Variants in PACRG observed in about 807,000 individuals in gnomAD.
The protein encoded by PACRG is parkin coregulated gene protein.
Under a neutral mutation model 29.7 loss-of-function variants are expected in PACRG, and 29 were observed. That is an observed-to-expected ratio of 0.98 (90% CI 0.73 to 1.33). The LOEUF is 1.33. Among genes scored for constraint, PACRG ranks in the 40% most tolerant of loss-of-function variants. The probability of loss-of-function intolerance (pLI) is 0.00; values close to 1 mark genes in which losing one functional copy is unlikely to be tolerated. For synonymous variants in PACRG, 116 were observed against 118.7 expected, an observed-to-expected ratio of 0.98 and a Z score of 0.15; for missense variants, 279 against 316.2, an observed-to-expected ratio of 0.88 and a Z score of 0.89.
intron 2 of PACRG, among the ~76,000 whole-genome samples, chr6:162,855,790 T>C (rs768433881): frequency 1.3e-4 from 20 of 152,202 alleles, no homozygotes; most frequent in Non-Finnish European, 4.4e-5. Flanking sequence ...GATGCCTCCA[T>C]AGGGCGTAGC....
At chr6:162,797,831 A>G (rs1385487836) in intron 1 of PACRG, among the ~76,000 whole-genome samples, 2 of 151,794 alleles carry the variant, frequency 1.3e-5, no homozygotes, top group South Asian at 2.1e-4. Context: ...TCATTTTTAT[A>G]TATTGAGTTT....
intron 2 of PACRG, among the ~76,000 whole-genome samples, chr6:162,953,963 A>G (rs1396323983): frequency 6.6e-6 from 1 of 152,220 alleles, no homozygotes; most frequent in Non-Finnish European, 1.5e-5. Flanking sequence ...GTAGAATACC[A>G]ATTTTTTATT....
chr6:163,164,674 C>T (rs1003358645), intron 4 of PACRG, among the ~76,000 whole-genome samples: 2 of 152,244 alleles, frequency 1.3e-5, no homozygotes, highest in Non-Finnish European at 2.9e-5. Context: ...TTCCACCTCT[C>T]AGCCACTGGC....
chr6:162,859,713 CAAAT>C (rs1175216837), intron 2 of PACRG, among the ~76,000 whole-genome samples: 3 of 152,188 alleles, frequency 2.0e-5, no homozygotes, highest in Admixed American at 6.5e-5. Context: ...AGAAGCTAAA[CAAAT>C]AAGCCTTGCA....
chr6:162,806,385 C>T (rs1019169213), intron 1 of PACRG, among the ~76,000 whole-genome samples: 4 of 149,956 alleles, frequency 2.7e-5, no homozygotes, highest in African/African-American at 7.4e-5. Context: ...GCTGGGATTA[C>T]AGGTGTGAGC....
chr6:162,900,271 G>A (rs1305258615), intron 2 of PACRG, among the ~76,000 whole-genome samples: 1 of 152,112 alleles, frequency 6.6e-6, no homozygotes, highest in African/African-American at 2.4e-5. Context: ...TACAGAGGCC[G>A]ACGTTCCCTC....
chr6:162,754,771 C>T lies in PACRG; in HGVS notation c.156+26380C>T, dbSNP rs190514085. ...TTGGTACCTATTTCAGAAATCAGTT[C>T]GCCATAAATGCATGGGTTTTCATGT... On this transcript the variant is annotated intron_variant, in intron 1 of 4. Transcript: ENST00000366888. Among the ~76,000 whole-genome samples, 595 of 152,194 alleles carry T rather than the reference C, an allele frequency of 3.9e-3. 5 individuals are homozygous for T. Among genetic ancestry groups the T allele is most frequent in the Non-Finnish European group, 6.6e-3 (449 of 68,012 alleles).
intron 2 of PACRG, among the ~76,000 whole-genome samples, chr6:163,007,275 C>CT (rs1469097045): frequency 1.3e-5 from 2 of 152,012 alleles, no homozygotes; most frequent in African/African-American, 2.4e-5. Flanking sequence ...TACATTATTA[C>CT]TTTTACTTTT....
At chr6:162,804,401 CAA>C (rs1786140822) in intron 1 of PACRG, among the ~76,000 whole-genome samples, 1 of 152,120 alleles carries the variant, frequency 6.6e-6, no homozygotes, top group Non-Finnish European at 1.5e-5. Context: ...CCTGTAGAGA[CAA>C]AGAGATTGGG....
chr6:163,149,778 C>T (rs1442395994), intron 4 of PACRG, among the ~76,000 whole-genome samples: 1 of 152,182 alleles, frequency 6.6e-6, no homozygotes, highest in Admixed American at 6.5e-5. Context: ...CGGATCGGAT[C>T]CCCGGTGCAG....
intron 4 of PACRG, among the ~76,000 whole-genome samples, chr6:163,172,530 G>A (rs990005716): frequency 6.6e-6 from 1 of 152,188 alleles, no homozygotes; most frequent in African/African-American, 2.4e-5. Context: ...ACAACCTGAG[G>A]AGGAGTAAAC....
intron 2 of PACRG, among the ~76,000 whole-genome samples, chr6:162,970,334 C>A (rs1198125351): frequency 1.3e-5 from 2 of 152,118 alleles, no homozygotes; most frequent in Non-Finnish European, 2.9e-5. Context: ...CTGGGGAGCG[C>A]ATCGATTTCG....
At chr6:163,169,568 C>T (rs369098167) in intron 4 of PACRG, among the ~76,000 whole-genome samples, 96 of 152,344 alleles carry the variant, frequency 6.3e-4, no homozygotes, top group African/African-American at 2.2e-3. Flanking sequence ...CCACTTCACA[C>T]GGCTGCGTGC....
intron 2 of PACRG, among the ~76,000 whole-genome samples, chr6:162,901,064 T>C (rs118180576): frequency 1.3e-5 from 2 of 152,158 alleles, no homozygotes; most frequent in African/African-American, 2.4e-5. Context: ...ATATATAATA[T>C]ACAGATACAT....
At chr6:163,257,339 C>T (rs746312996) in intron 4 of PACRG, among the ~76,000 whole-genome samples, 8 of 152,088 alleles carry the variant, frequency 5.3e-5, no homozygotes, top group Non-Finnish European at 8.8e-5. Context: ...GTTCAGGCAG[C>T]AGCAGAGAGC....
chr6:163,159,399 C>T (rs1055970170), intron 4 of PACRG, among the ~76,000 whole-genome samples: 3 of 150,646 alleles, frequency 2.0e-5, no homozygotes, highest in African/African-American at 7.3e-5. Context: ...TTATTTTTAG[C>T]TAAAATGAAG....
chr6:163,101,938 A>T (rs929375791), intron 4 of PACRG, among the ~76,000 whole-genome samples: 2 of 152,226 alleles, frequency 1.3e-5, no homozygotes, highest in African/African-American at 2.4e-5. Context: ...AAACAAAAAA[A>T]GTTGAGTGCT....
rs1330677245 is a variant in PACRG, at chr6:163,307,976, T to A, written c.614-6851T>A. ...TAAACTTTACTGGAGAAAACTCTTA[T>A]TCTAAAACAGGTAACACTATTTCTA... On this transcript the variant is annotated intron_variant, in intron 4 of 4. Transcript: ENST00000366888. 4.6e-5 allele frequency among the ~76,000 whole-genome samples: 7 copies of A among 152,216 alleles called. No individual in the cohort carries two copies. In the East Asian group the frequency reaches 1.3e-3, roughly 29 times the overall value.
chr6:162,932,347 C>T (rs1352346772), intron 2 of PACRG, among the ~76,000 whole-genome samples: 1 of 151,994 alleles, frequency 6.6e-6, no homozygotes, highest in African/African-American at 2.4e-5. Flanking sequence ...GTGTACACAT[C>T]TGTCAAAACT....
Sources: gnomAD v4.1 joint callset for allele counts (sites outside exome capture counted in the v4.1 genomes callset) on GRCh38, gnomAD v4.1.1 for gene constraint, MANE v1.5 for transcripts, NCBI Gene and HGNC (gene_info 2026-07-23, HGNC 2026-07-21) for gene names.